Variants in NCAM2 observed in about 807,000 individuals in gnomAD.
The protein encoded by NCAM2 is N-CAM-2.
Under a neutral mutation model 98.1 loss-of-function variants are expected in NCAM2, and 30 were observed. That is an observed-to-expected ratio of 0.31 (90% CI 0.23 to 0.41). The LOEUF is 0.41. Among genes scored for constraint, NCAM2 ranks in the 10% least tolerant of loss-of-function variants. The pLI, the probability that NCAM2 is intolerant of heterozygous loss-of-function variation, is 1.00. For synonymous variants in NCAM2, 368 were observed against 342.4 expected (o/e 1.07, Z -0.83); for missense variants, 867 against 1,005.8 (o/e 0.86, Z 1.87).
chr21:21,118,526 A>G (rs2066609423), intron 1 of NCAM2, among the ~76,000 whole-genome samples: 1 of 152,166 alleles, frequency 6.6e-6, no homozygotes, highest in African/African-American at 2.4e-5. Context: ...GTAAGGAAGA[A>G]TGCTCTAAAT....
Position 21,225,096 on chromosome 21 carries a change from T to C in NCAM2, c.56-55482T>C, listed in dbSNP as rs933075065. On this transcript the variant is annotated intron_variant, in intron 1 of 17. Transcript: ENST00000400546. Reference sequence around the variant, plus strand: ...TGCAGCCATGGAAAGGAATAGATCATGTTCTTTGCAGGGACATGGATGAAG... The same window carrying C: ...TGCAGCCATGGAAAGGAATAGATCACGTTCTTTGCAGGGACATGGATGAAG... 4.6e-5 allele frequency among the ~76,000 whole-genome samples: 7 copies of C among 152,116 alleles called. No homozygotes were observed. In the South Asian group the frequency reaches 1.4e-3, roughly 31 times the overall value.
intron 8 of NCAM2, among the ~76,000 whole-genome samples, chr21:21,345,710 T>C (rs1282971581): frequency 6.6e-6 from 1 of 152,056 alleles, no homozygotes; most frequent in East Asian, 1.9e-4. Context: ...TGCAAAGGGA[T>C]AATAGGAACT....
intron 1 of NCAM2, among the ~76,000 whole-genome samples, chr21:21,069,081 C>T (rs951901152): frequency 1.3e-5 from 2 of 152,052 alleles, no homozygotes; most frequent in Non-Finnish European, 2.9e-5. Flanking sequence ...TGATTAAAAT[C>T]CAATTGTAAT....
At chr21:21,282,352 A>C (rs1250591433) in intron 2 of NCAM2, among the ~76,000 whole-genome samples, 1 of 151,896 alleles carries the variant, frequency 6.6e-6, no homozygotes, top group Non-Finnish European at 1.5e-5. Context: ...ACATACTTTA[A>C]AGTGAATTAA....
Position 21,290,852 on chromosome 21 carries a change from C to G in NCAM2, c.482-1252C>G, listed in dbSNP as rs977490138. ...AAATTTGCCCCCAAATTGGAGTGGC[C>G]TACTACCCTAGCAGTTTATGGCTCA... is the stretch of plus-strand genomic sequence containing the variant. On this transcript the variant is annotated intron_variant, in intron 4 of 17. Coordinates refer to ENST00000400546, the MANE Select transcript of NCAM2 (RefSeq NM_004540.5). 1.3e-5 allele frequency among the ~76,000 whole-genome samples: 2 copies of G among 151,810 alleles called. 1 individual carries two copies. Among genetic ancestry groups the G allele is most frequent in the South Asian group, 4.1e-4 (2 of 4,826 alleles).
At chr21:21,240,531 A>T (rs1453468309) in intron 1 of NCAM2, among the ~76,000 whole-genome samples, 1 of 152,192 alleles carries the variant, frequency 6.6e-6, no homozygotes, top group African/African-American at 2.4e-5. Flanking sequence ...TGGAAAAGGC[A>T]CTTAACCCAG....
chr21:21,475,982 C>G lies in NCAM2; in HGVS notation c.1897-1309C>G, dbSNP rs954355573. Among the ~76,000 whole-genome samples, 5 of 152,272 alleles carry G rather than the reference C, an allele frequency of 3.3e-5. No homozygotes were observed. In the East Asian group the frequency reaches 9.6e-4, roughly 29 times the overall value. On this transcript the variant is annotated intron_variant, in intron 14 of 17. Coordinates refer to ENST00000400546, the MANE Select transcript of NCAM2 (RefSeq NM_004540.5). ...TCTTCTTGCCTCCTTCTGAAGGACA[C>G]TCCATGTTTGAGTACTGTCAATTTA...
At chr21:21,364,227 C>G (rs1355312529) in intron 8 of NCAM2, among the ~76,000 whole-genome samples, 1 of 151,696 alleles carries the variant, frequency 6.6e-6, no homozygotes, top group African/African-American at 2.4e-5. Flanking sequence ...CTTTCATGTT[C>G]TGTATAAAAT....
chr21:21,342,770 G>A (rs922083087), intron 8 of NCAM2, among the ~76,000 whole-genome samples: 7 of 152,162 alleles, frequency 4.6e-5, no homozygotes, highest in African/African-American at 1.7e-4. Flanking sequence ...AAGTATGTGG[G>A]GTGGGAGATA....
intron 16 of NCAM2, among the ~76,000 whole-genome samples, chr21:21,530,159 T>C (rs1467956483): frequency 1.4e-5 from 2 of 138,330 alleles, no homozygotes; most frequent in Non-Finnish European, 3.1e-5. Flanking sequence ...TTATATATGA[T>C]TTAATTTAAT....
intron 1 of NCAM2, among the ~76,000 whole-genome samples, chr21:21,074,832 G>A (rs79176287): frequency 7.1e-6 from 1 of 141,652 alleles, no homozygotes; most frequent in Non-Finnish European, 1.5e-5. Flanking sequence ...TCTGTTGATG[G>A]TGGTGATGGT....
At chr21:21,529,747 ACT>A (rs907132431) in intron 16 of NCAM2, among the ~76,000 whole-genome samples, 23 of 150,634 alleles carry the variant, frequency 1.5e-4, no homozygotes, top group South Asian at 1.5e-3. Context: ...TAATGTGGAA[ACT>A]CTCTCTCTCT....
At chr21:21,394,575 G>A (rs1229374688) in intron 9 of NCAM2, among the ~76,000 whole-genome samples, 1 of 134,550 alleles carries the variant, frequency 7.4e-6, no homozygotes, top group Non-Finnish European at 1.5e-5. Flanking sequence ...TGCAAGCTCC[G>A]CCTCCCGGGT....
chr21:21,437,295 T>C (rs2146059114), intron 12 of NCAM2, among the ~76,000 whole-genome samples: 1 of 152,210 alleles, frequency 6.6e-6, no homozygotes, highest in African/African-American at 2.4e-5. Flanking sequence ...ACCAGAAGAC[T>C]TTACTGTAAT....
intron 10 of NCAM2, among the ~76,000 whole-genome samples, chr21:21,412,708 G>A (rs1338427250): frequency 1.3e-5 from 2 of 152,118 alleles, no homozygotes; most frequent in Non-Finnish European, 2.9e-5. Flanking sequence ...ACTTTAAACA[G>A]ACATGTTTAT....
At chr21:21,476,120 T>A (rs1407773420) in intron 14 of NCAM2, among the ~76,000 whole-genome samples, 1 of 152,088 alleles carries the variant, frequency 6.6e-6, no homozygotes, top group Admixed American at 6.6e-5. Context: ...CAGTGTTAAA[T>A]TGTGGCTCAA....
intron 15 of NCAM2, among the ~76,000 whole-genome samples, chr21:21,493,257 G>A (rs948941776): frequency 7.9e-5 from 12 of 151,980 alleles, no homozygotes; most frequent in East Asian, 1.9e-4. Context: ...TTAATATGTG[G>A]AGTTTTTTTA....
At chr21:21,487,339 A>C (rs1986472734) in intron 15 of NCAM2, among the ~76,000 whole-genome samples, 1 of 152,124 alleles carries the variant, frequency 6.6e-6, no homozygotes, top group Non-Finnish European at 1.5e-5. Context: ...ACTGGTAAGC[A>C]AGACATAAAA....
At chr21:21,349,917 T>G (rs117394274) in intron 8 of NCAM2, among the ~76,000 whole-genome samples, 1 of 152,118 alleles carries the variant, frequency 6.6e-6, no homozygotes. Context: ...GGTAACCAGA[T>G]GATGGGAAGT....
Sources: allele counts gnomAD v4.1 joint callset (sites outside exome capture counted in the v4.1 genomes callset), GRCh38; gene constraint gnomAD v4.1.1; transcripts MANE v1.5; gene names NCBI Gene and HGNC (gene_info 2026-07-23, HGNC 2026-07-21).